QTGAL: variants seen among roughly 807,000 people sequenced by gnomAD.
QTGAL encodes the protein BGnT-like protein 1.
the QTGAL span, among the ~76,000 whole-genome samples, chr17:83,023,998 C>G: frequency 6.6e-6 from 1 of 152,342 alleles, no homozygotes; most frequent in African/African-American, 2.4e-5. Context: ...CTCGCCAGAG[C>G]AAACACCGGA....
the QTGAL span, among the ~76,000 whole-genome samples, chr17:82,946,396 A>G: frequency 6.6e-6 from 1 of 152,256 alleles, no homozygotes; most frequent in Non-Finnish European, 1.5e-5. Flanking sequence ...GATGATTGAT[A>G]GAACTTTCCT....
chr17:82,972,694 C>T, the QTGAL span, among the ~76,000 whole-genome samples: 60 of 124,952 alleles, frequency 4.8e-4, no homozygotes, highest in South Asian at 7.9e-4. Flanking sequence ...GACCACACCA[C>T]ACCACAGGGG....
chr17:83,005,997 C>G, the QTGAL span: 2 of 1,083,020 alleles, frequency 1.8e-6, no homozygotes, highest in Non-Finnish European at 1.1e-6. The surrounding 1 kb of genome is among the most constrained non-coding windows in gnomAD (Gnocchi z 5.6). Flanking sequence ...GTGGGAGGAG[C>G]TGGCTGGAGA....
the QTGAL span, among the ~76,000 whole-genome samples, chr17:82,961,562 G>A: frequency 6.6e-6 from 1 of 152,192 alleles, no homozygotes; most frequent in Admixed American, 6.5e-5. Flanking sequence ...ATCCTTTCCT[G>A]CCAGTGGCTG....
the QTGAL span, among the ~76,000 whole-genome samples, chr17:83,027,053 G>A: frequency 0.013 from 1,853 of 146,882 alleles, 43 homozygotes; most frequent in African/African-American, 0.045. Flanking sequence ...CAGACACGCA[G>A]AGCAGGGCGG....
the QTGAL span, chr17:83,005,745 A>G: frequency 2.5e-6 from 2 of 814,366 alleles, no homozygotes; most frequent in African/African-American, 1.7e-5. The surrounding 1 kb of genome is among the most constrained non-coding windows in gnomAD (Gnocchi z 5.6). Flanking sequence ...CATCCAGGCC[A>G]GCACCCCTGC....
chr17:82,950,410 G>A, the QTGAL span, among the ~76,000 whole-genome samples: 4 of 152,178 alleles, frequency 2.6e-5, no homozygotes, highest in Non-Finnish European at 5.9e-5. Context: ...CTGGAAGAGC[G>A]GCACTGACGG....
the QTGAL span, among the ~76,000 whole-genome samples, chr17:82,959,737 G>C: frequency 6.6e-6 from 1 of 151,978 alleles, no homozygotes; most frequent in Non-Finnish European, 1.5e-5. Flanking sequence ...GCGAGGTTTG[G>C]GGGGCCTCTG....
At chr17:82,970,701 G>C in the QTGAL span, among the ~76,000 whole-genome samples, 1 of 116,270 alleles carries the variant, frequency 8.6e-6, no homozygotes, top group Non-Finnish European at 1.9e-5. Flanking sequence ...CTCTGCACAC[G>C]GTGGCTGTGC....
chr17:83,013,409 G>GC, the QTGAL span, among the ~76,000 whole-genome samples: 1,838 of 84,222 alleles, frequency 0.022, 96 homozygotes, highest in African/African-American at 0.084. Context: ...CCTCAATGCT[G>GC]CCCCCCCAAA....
the QTGAL span, among the ~76,000 whole-genome samples, chr17:82,995,816 A>G: frequency 6.6e-6 from 1 of 152,204 alleles, no homozygotes; most frequent in African/African-American, 2.4e-5. Flanking sequence ...AGATCTCTAC[A>G]ATGAAAACTA....
the QTGAL span, among the ~76,000 whole-genome samples, chr17:82,970,974 G>A: frequency 4.6e-5 from 7 of 152,290 alleles, no homozygotes; most frequent in South Asian, 1.0e-3. Context: ...GGACGCAGGA[G>A]AGAAACCGAG....
the QTGAL span, among the ~76,000 whole-genome samples, chr17:83,038,354 C>A: frequency 6.6e-6 from 1 of 152,092 alleles, no homozygotes; most frequent in African/African-American, 2.4e-5. Flanking sequence ...AACTTTACAA[C>A]GGATTGTTTT....
the QTGAL span, among the ~76,000 whole-genome samples, chr17:83,000,582 T>C: frequency 7.3e-6 from 1 of 136,966 alleles, no homozygotes; most frequent in African/African-American, 2.5e-5. Flanking sequence ...TAATTTTTGG[T>C]ATTACATGAT....
chr17:82,970,715 G>A, the QTGAL span, among the ~76,000 whole-genome samples: 10 of 139,730 alleles, frequency 7.2e-5, no homozygotes, highest in Admixed American at 2.9e-4. Context: ...GCTGTGCCCT[G>A]GTCACGTGGC....
chr17:83,030,854 C>T, the QTGAL span: 218 of 152,280 alleles, frequency 1.4e-3, no homozygotes, highest in African/African-American at 4.7e-3. Flanking sequence ...CCAGTGAAGA[C>T]GGGAGTCGGG....
the QTGAL span, chr17:82,945,289 A>G: frequency 3.3e-5 from 5 of 152,262 alleles, no homozygotes; most frequent in South Asian, 1.0e-3. Flanking sequence ...GACATTGAAG[A>G]ATGTCTAACC....
At chr17:82,952,515 T>C in the QTGAL span, among the ~76,000 whole-genome samples, 1 of 152,170 alleles carries the variant, frequency 6.6e-6, no homozygotes, top group Non-Finnish European at 1.5e-5. Context: ...GAGCTAACTA[T>C]CCTAAATATA....
chr17:82,982,014 G>A, the QTGAL span, among the ~76,000 whole-genome samples: 3 of 151,640 alleles, frequency 2.0e-5, no homozygotes, highest in Non-Finnish European at 4.4e-5. Flanking sequence ...TGGGCCGAGC[G>A]GGTGGAGGAG....
Sources: gnomAD v4.1 joint callset for allele counts (sites outside exome capture counted in the v4.1 genomes callset) on GRCh38, gnomAD v4.1.1 for gene constraint, Gnocchi (gnomAD v3.1) non-coding constraint, MANE v1.5 for transcripts, NCBI Gene and HGNC (gene_info 2026-07-23, HGNC 2026-07-21) for gene names.